Variants in SDK1 observed in about 807,000 individuals in gnomAD.
SDK1 encodes sidekick cell adhesion molecule 1.
Under a neutral mutation model 245.5 loss-of-function variants are expected in SDK1, and 157 were observed. The ratio of observed to expected loss-of-function variants is 0.64; its 90% confidence interval spans 0.56 to 0.73. The LOEUF is 0.73. SDK1 is among the 30% of genes least tolerant of loss of function. The probability of loss-of-function intolerance (pLI) is 0.00; values close to 1 mark genes in which losing one functional copy is unlikely to be tolerated. For synonymous variants in SDK1, 1,647 were observed against 1,278.5 expected, an observed-to-expected ratio of 1.29 and a Z score of -6.15; for missense variants, 3,583 against 3,002.3, an observed-to-expected ratio of 1.19 and a Z score of -4.52.
chr7:4,143,645 T>A (rs1379750298), intron 28 of SDK1, among the ~76,000 whole-genome samples: 1 of 152,178 alleles, frequency 6.6e-6, no homozygotes, highest in Non-Finnish European at 1.5e-5. Flanking sequence ...TTGGAGAGGA[T>A]GCTTCTGCGC....
intron 44 of SDK1, among the ~76,000 whole-genome samples, chr7:4,261,432 C>T (rs962745819): frequency 1.3e-5 from 2 of 152,114 alleles, no homozygotes; most frequent in African/African-American, 4.8e-5. Flanking sequence ...GCTCACACAC[C>T]CTGGGGAAAC....
intron 4 of SDK1, among the ~76,000 whole-genome samples, chr7:3,672,008 G>T (rs1783715129): frequency 6.6e-6 from 1 of 152,138 alleles, no homozygotes; most frequent in South Asian, 2.1e-4. Flanking sequence ...GGAACACATG[G>T]ACCCTGAGGC....
rs372024112 is a variant in SDK1 at position 3,365,685 on chromosome 7, A to G, written c.298+63801A>G. Among the ~76,000 whole-genome samples, 22 of 152,310 alleles carry G rather than the reference A, an allele frequency of 1.4e-4. No homozygotes were observed. In the East Asian group the frequency reaches 3.5e-3, roughly 24 times the overall value. On this transcript the variant is annotated intron_variant, in intron 1 of 44. Transcript: ENST00000404826. ...TTTTTTGAAGGGCATAGTCCTTTCA[A>G]TATATACTGCTGAGGATGTAGAGAC...
At chr7:3,967,616 G>T (rs1562588752) in intron 10 of SDK1, among the ~76,000 whole-genome samples, 182 bp downstream of exon 10, 1 of 152,222 alleles carries the variant, frequency 6.6e-6, no homozygotes, top group African/African-American at 2.4e-5. Context: ...TCTTGGAAGA[G>T]AATTTCTCCA....
intron 4 of SDK1, among the ~76,000 whole-genome samples, chr7:3,752,753 A>G (rs1779810585): frequency 6.6e-6 from 1 of 152,142 alleles, no homozygotes; most frequent in Non-Finnish European, 1.5e-5. Context: ...ACTCATCTTC[A>G]AAGGCAAGAG....
At chr7:4,047,253 A>G (rs1026905773) in intron 17 of SDK1, among the ~76,000 whole-genome samples, 1 of 152,110 alleles carries the variant, frequency 6.6e-6, no homozygotes, top group Admixed American at 6.6e-5. Context: ...TAAGATGTTC[A>G]TATGTTTTTC....
At chr7:4,079,843 G>A (rs560845313) in intron 22 of SDK1, among the ~76,000 whole-genome samples, 5 of 152,234 alleles carry the variant, frequency 3.3e-5, no homozygotes, top group African/African-American at 1.2e-4. Flanking sequence ...TTCAAAATAG[G>A]TACCCAAAAT....
At position 3,853,135 on chromosome 7, in the gene SDK1, C is replaced by T. The variant is rs552779385; in HGVS notation, c.847+31552C>T. 2.0e-5 allele frequency among the ~76,000 whole-genome samples: 3 copies of T among 151,508 alleles called. No homozygotes were observed. In the South Asian group the frequency reaches 6.2e-4, roughly 32 times the overall value. ...TCCTGTGAATACTGTATTTTCAATC[C>T]ACACTTGGTTGAAAAAAAAAAATGT... On this transcript the variant is annotated intron_variant, in intron 5 of 44. Transcript: ENST00000404826.
intron 1 of SDK1, among the ~76,000 whole-genome samples, chr7:3,614,876 A>G (rs975831011): frequency 7.0e-6 from 1 of 143,872 alleles, no homozygotes; most frequent in African/African-American, 2.5e-5. Context: ...ATCTCGAGAT[A>G]TTTGCTTGCC....
At chr7:3,960,064 C>T (rs577822476) in intron 8 of SDK1, among the ~76,000 whole-genome samples, 1 of 152,212 alleles carries the variant, frequency 6.6e-6, no homozygotes, top group Admixed American at 6.5e-5. Context: ...ATAGTATTTT[C>T]TCCTACTCCC....
At chr7:3,497,750 A>AGAGCTTTT (rs1562523203) in intron 1 of SDK1, among the ~76,000 whole-genome samples, 1 of 152,210 alleles carries the variant, frequency 6.6e-6, no homozygotes, top group African/African-American at 2.4e-5. Context: ...TAGGCCATGG[A>AGAGCTTTT]GAGCTTTTGA....
At chr7:4,224,636 A>G (rs1309697979) in intron 40 of SDK1, among the ~76,000 whole-genome samples, 1 of 152,060 alleles carries the variant, frequency 6.6e-6, no homozygotes, top group Non-Finnish European at 1.5e-5. Context: ...ATTTTAGTTT[A>G]TATATCTACA....
At chr7:3,472,779 A>G (rs560173136) in intron 1 of SDK1, among the ~76,000 whole-genome samples, 1 of 152,278 alleles carries the variant, frequency 6.6e-6, no homozygotes, top group Admixed American at 6.5e-5. Context: ...AGGTCTGGCT[A>G]ACAGTACCAG....
intron 5 of SDK1, among the ~76,000 whole-genome samples, chr7:3,860,590 A>G (rs1392066641): frequency 6.6e-6 from 1 of 152,182 alleles, no homozygotes; most frequent in Non-Finnish European, 1.5e-5. Context: ...TTTGGGAGCA[A>G]TTTGGTGATA....
chr7:3,617,956 G>A (rs1389913681), intron 1 of SDK1, among the ~76,000 whole-genome samples: 1 of 152,174 alleles, frequency 6.6e-6, no homozygotes, highest in African/African-American at 2.4e-5. Flanking sequence ...GGTGTGAGCA[G>A]AGAGGGGAGG....
At chr7:4,060,348 T>C (rs1365132598) in intron 19 of SDK1, among the ~76,000 whole-genome samples, 1 of 151,998 alleles carries the variant, frequency 6.6e-6, no homozygotes, top group African/African-American at 2.4e-5. Flanking sequence ...CCAAAATTAG[T>C]AGAAGGAAAG....
intron 5 of SDK1, among the ~76,000 whole-genome samples, chr7:3,931,176 T>C (rs551929440): frequency 6.6e-6 from 1 of 152,272 alleles, no homozygotes; most frequent in African/African-American, 2.4e-5. Context: ...GACGAGCAGA[T>C]CAACCCATTT....
chr7:3,534,321 TG>T (rs1301534331), intron 1 of SDK1, among the ~76,000 whole-genome samples: 1 of 152,240 alleles, frequency 6.6e-6, no homozygotes. Flanking sequence ...TTCTGTGTCT[TG>T]GCTATTGTGG....
chr7:3,658,665 G>GCAGTGGA, intron 4 of SDK1, among the ~76,000 whole-genome samples: 1 of 142,082 alleles, frequency 7.0e-6, no homozygotes, highest in Non-Finnish European at 1.5e-5. Context: ...AGGCTGGAGT[G>GCAGTGGA]CAGTGGATCG....
Sources: allele counts gnomAD v4.1 joint callset (sites outside exome capture counted in the v4.1 genomes callset), GRCh38; gene constraint gnomAD v4.1.1; transcripts MANE v1.5; gene names NCBI Gene and HGNC (gene_info 2026-07-23, HGNC 2026-07-21).